Variants in RAPGEF6 observed in about 807,000 individuals in gnomAD.
RAPGEF6 encodes the protein PDZ domain containing guanine nucleotide exchange factor (GEF) 2.
A neutral mutation model predicts 171.4 loss-of-function variants in RAPGEF6; 56 were observed. That is an observed-to-expected ratio of 0.33 (90% CI 0.26 to 0.41). The LOEUF (loss-of-function observed/expected upper bound fraction) is 0.41. Ranked by LOEUF, RAPGEF6 falls within the 10% of genes least tolerant of loss-of-function variation. RAPGEF6 has a pLI of 1.00. For synonymous variants in RAPGEF6, 692 were observed against 650.1 expected (o/e 1.06, Z -0.98); for missense variants, 1,674 against 1,921.4 (o/e 0.87, Z 2.41).
At chr5:131,577,086 G>T (rs1217662337) in intron 4 of RAPGEF6, among the ~76,000 whole-genome samples, 1 of 152,130 alleles carries the variant, frequency 6.6e-6, no homozygotes, top group Non-Finnish European at 1.5e-5. Context: ...ACATTCACTG[G>T]ATGGGTAGAG....
chr5:131,541,479 A>T (rs553739342), intron 6 of RAPGEF6, among the ~76,000 whole-genome samples: 13 of 152,132 alleles, frequency 8.5e-5, no homozygotes, highest in African/African-American at 3.1e-4. Flanking sequence ...AAGGATTTAT[A>T]TGCCATATAC....
In RAPGEF6 at chr5:131,592,424, T is replaced by C. The variant is rs1412153795; in HGVS notation, c.240A>G (p.Gly80=). 1.2e-6 allele frequency: 2 copies of C among 1,613,896 alleles called. No individual in the cohort carries two copies. The highest frequency in any genetic ancestry group is 3.3e-5 in the Admixed American group (2 of 60,010). Residue 80 remains glycine (G), a synonymous_variant, in exon 4 of 28, where the codon GGA becomes GGG. Coordinates refer to ENST00000509018, the MANE Select transcript of RAPGEF6 (RefSeq NM_016340.6). ...CCATGGAGCCTTTCACAAGCACAGATCCAGAAAGTAGGATATACCAACATC... is the reference window on the plus strand; with the variant it reads ...CCATGGAGCCTTTCACAAGCACAGACCCAGAAAGTAGGATATACCAACATC... ...IARCWYILLS[G]SVLVKGSMVL... is the part of the protein sequence containing the mutation.
intron 12 of RAPGEF6, 45 bp downstream of exon 12, chr5:131,498,398 A>C: frequency 6.5e-7 from 1 of 1,529,258 alleles, no homozygotes; most frequent in Non-Finnish European, 8.8e-7. Context: ...TTTCATGAAT[A>C]AAATTTTGGG....
chr5:131,620,229 C>T (rs1765519909), intron 1 of RAPGEF6, among the ~76,000 whole-genome samples: 1 of 152,108 alleles, frequency 6.6e-6, no homozygotes, highest in Non-Finnish European at 1.5e-5. Flanking sequence ...GCCTTTTATT[C>T]ACTAGAGACT....
At chr5:131,605,668 A>T (rs548479987) in intron 1 of RAPGEF6, among the ~76,000 whole-genome samples, 1 of 152,242 alleles carries the variant, frequency 6.6e-6, no homozygotes, top group East Asian at 1.9e-4. Context: ...TAGTGGGGGT[A>T]CTGGGGGAGA....
chr5:131,590,755 A>G (rs961606911), intron 4 of RAPGEF6, among the ~76,000 whole-genome samples: 8 of 152,226 alleles, frequency 5.3e-5, no homozygotes, highest in Non-Finnish European at 1.0e-4. Context: ...CATTGTCTTG[A>G]TCACAAACTA....
At chr5:131,613,396 C>T (rs148397947) in intron 1 of RAPGEF6, among the ~76,000 whole-genome samples, 2,825 of 151,814 alleles carry the variant, frequency 0.019, 92 homozygotes, top group African/African-American at 0.065. Context: ...GGCGACACAG[C>T]GAGACTCCGT....
At chr5:131,597,779 C>A (rs1763987922) in intron 3 of RAPGEF6, among the ~76,000 whole-genome samples, 1 of 152,108 alleles carries the variant, frequency 6.6e-6, no homozygotes. Context: ...AAAATAAATT[C>A]TGGTGTTCCA....
chr5:131,479,889 A>C, intron 15 of RAPGEF6, 136 bp from the exon 16 acceptor site: 2 of 871,026 alleles, frequency 2.3e-6, no homozygotes, highest in Non-Finnish European at 3.5e-6. Flanking sequence ...AAACACTGTC[A>C]AGTATTTACC....
intron 21 of RAPGEF6, 28 bp from the exon 22 acceptor site, chr5:131,446,731 G>A (rs930961876): frequency 1.3e-6 from 2 of 1,578,442 alleles, no homozygotes; most frequent in Admixed American, 1.7e-5. Context: ...TCACAATAAG[G>A]GGCTATAGAG....
intron 1 of RAPGEF6, among the ~76,000 whole-genome samples, chr5:131,607,864 G>T (rs930800351): frequency 2.0e-5 from 3 of 152,106 alleles, no homozygotes; most frequent in Non-Finnish European, 2.9e-5. Context: ...TAAAATAAAA[G>T]AAACTAGACT....
intron 3 of RAPGEF6, among the ~76,000 whole-genome samples, chr5:131,599,086 G>A (rs981401500): frequency 6.6e-6 from 1 of 152,166 alleles, no homozygotes; most frequent in Non-Finnish European, 1.5e-5. Flanking sequence ...AGAGACGGGC[G>A]GATTACTTGA....
chr5:131,488,250 T>TG (rs1479876714), intron 15 of RAPGEF6, among the ~76,000 whole-genome samples: 1 of 152,224 alleles, frequency 6.6e-6, no homozygotes, highest in Admixed American at 6.5e-5. Flanking sequence ...CCAGAGTTCA[T>TG]GGGGGTTCAC....
rs555973959 is a variant in RAPGEF6 at position 131,435,921 on chromosome 5, CTT to C, written c.3746-2265_3746-2264del. ...GTATACATTAATAACTGAAAACAAACTTAACACTAAAATTAAATAAGGAACTT... is the reference window on the plus strand; with the variant it reads ...GTATACATTAATAACTGAAAACAAACAACACTAAAATTAAATAAGGAACTT... On this transcript the variant is annotated intron_variant, in intron 24 of 27. Coordinates refer to ENST00000509018, the MANE Select transcript of RAPGEF6 (RefSeq NM_016340.6). 9.9e-4 allele frequency: 1,481 copies of C among 1,500,070 alleles called. 3 individuals carry two copies. The highest frequency in any genetic ancestry group is 5.2e-3 in the Middle Eastern group (30 of 5,798). 92.9% of individuals were successfully genotyped at this position (1,500,070 alleles called of 1,614,324 possible). A position where few individuals can be genotyped will look rare whatever the true frequency, so the allele number is the denominator to read the frequency against.
rs972931561 is a variant in RAPGEF6, at chr5:131,604,820, A to G, written c.70-127T>C. On this transcript the variant is annotated intron_variant, in intron 1 of 27. Transcript: ENST00000509018. Reference sequence around the variant, plus strand: ...AAGCAGTTAACTATGGAAAAATCATAAAACCTCTGAATCATAAAAGATTTG... The same window carrying G: ...AAGCAGTTAACTATGGAAAAATCATGAAACCTCTGAATCATAAAAGATTTG... 13 of 1,168,430 alleles carry G rather than the reference A, an allele frequency of 1.1e-5. No homozygotes were observed. In the Admixed American group the frequency reaches 1.9e-4, roughly 17 times the overall value. The allele number at this position is 1,168,430 out of a possible 1,614,324, so 72.4% of individuals were successfully genotyped here.
At chr5:131,513,356 T>A (rs1352673229) in intron 7 of RAPGEF6, among the ~76,000 whole-genome samples, 2 of 152,222 alleles carry the variant, frequency 1.3e-5, no homozygotes, top group Non-Finnish European at 2.9e-5. Flanking sequence ...ATTTTATCAA[T>A]TTTTAAGTGT....
At chr5:131,513,429 T>A (rs1363449859) in intron 7 of RAPGEF6, among the ~76,000 whole-genome samples, 1 of 152,192 alleles carries the variant, frequency 6.6e-6, no homozygotes, top group Non-Finnish European at 1.5e-5. Flanking sequence ...AAGGTTTTCA[T>A]CCCCTGACCC....
intron 1 of RAPGEF6, among the ~76,000 whole-genome samples, chr5:131,627,198 G>A (rs1765986736): frequency 6.6e-6 from 1 of 152,222 alleles, no homozygotes; most frequent in Admixed American, 6.5e-5. Context: ...GAGGAATAAT[G>A]ATGGCTCAAT....
At chr5:131,532,720 C>T (rs796732029) in intron 6 of RAPGEF6, among the ~76,000 whole-genome samples, 6 of 151,910 alleles carry the variant, frequency 3.9e-5, no homozygotes, top group African/African-American at 9.6e-5. Context: ...TGATATATGC[C>T]GTAACAGGTT....
Sources: gnomAD v4.1 joint callset for allele counts (sites outside exome capture counted in the v4.1 genomes callset) on GRCh38, gnomAD v4.1.1 for gene constraint, MANE v1.5 for transcripts, NCBI Gene and HGNC (gene_info 2026-07-23, HGNC 2026-07-21) for gene names.